RIC1: variants seen among roughly 807,000 people sequenced by gnomAD.
RIC1 encodes the protein RIC1 partner of RAB6A GEF complex.
Under a neutral mutation model 169.0 loss-of-function variants are expected in RIC1, and 88 were observed. The ratio of observed to expected loss-of-function variants is 0.52; its 90% CI spans 0.44 to 0.62. RIC1 has a LOEUF of 0.62. Among genes scored for constraint, RIC1 ranks in the 20% least tolerant of loss-of-function variants. The pLI, the probability that RIC1 is intolerant of heterozygous loss-of-function variation, is 0.00. For missense variants in RIC1, 1,877 were observed against 1,725.5 expected, an observed-to-expected ratio of 1.09 and a Z score of -1.56; for synonymous variants, 790 against 601.5, an observed-to-expected ratio of 1.31 and a Z score of -4.59.
chr9:5,683,799 T>G (rs1333665148), intron 2 of RIC1, among the ~76,000 whole-genome samples: 2 of 152,182 alleles, frequency 1.3e-5, no homozygotes, highest in Non-Finnish European at 2.9e-5. Flanking sequence ...TCCACCCAGT[T>G]CAACTTCCCG....
At chr9:5,681,672 T>A (rs960996496) in intron 2 of RIC1, among the ~76,000 whole-genome samples, 15 of 152,174 alleles carry the variant, frequency 9.9e-5, no homozygotes, top group African/African-American at 2.4e-4. Context: ...CTTGGTGCAG[T>A]GCTGAGTTCA....
intron 2 of RIC1, among the ~76,000 whole-genome samples, chr9:5,658,330 G>C (rs1033281158): frequency 6.6e-6 from 1 of 151,990 alleles, no homozygotes; most frequent in Non-Finnish European, 1.5e-5. Flanking sequence ...ATGTACTGAA[G>C]GTTAAGTTAG....
chr9:5,758,316 T>C lies in RIC1; in HGVS notation c.1992+865T>C, dbSNP rs531658455. Among the ~76,000 whole-genome samples the C allele has an allele frequency of 4.6e-5, 7 of 152,312 alleles. No homozygotes were observed. The South Asian group carries it at 6.2e-4, about 14-fold the overall frequency. On this transcript the variant is annotated intron_variant, in intron 17 of 25. Transcript: ENST00000414202. ...CTTCATGTCAACTGGGAACCTACTGTCAGAGGAAAATTCTATGTGGATTTA... is the reference window on the plus strand; with the variant it reads ...CTTCATGTCAACTGGGAACCTACTGCCAGAGGAAAATTCTATGTGGATTTA...
intron 2 of RIC1, among the ~76,000 whole-genome samples, chr9:5,677,803 C>G (rs1464438156): frequency 6.6e-6 from 1 of 151,792 alleles, no homozygotes. Context: ...TTTGAAAAAA[C>G]TTCCACTGAA....
At chr9:5,756,626 C>A (rs1366531331) in intron 16 of RIC1, among the ~76,000 whole-genome samples, 1 of 136,924 alleles carries the variant, frequency 7.3e-6, no homozygotes, top group Non-Finnish European at 1.6e-5. Flanking sequence ...TGAGGTAAAC[C>A]CTTAGATACT....
At chr9:5,732,503 AT>A in intron 7 of RIC1, 24 bp downstream of exon 7, 1 of 1,517,400 alleles carries the variant, frequency 6.6e-7, no homozygotes, top group Non-Finnish European at 8.9e-7. Context: ...AGGCTTTTGC[AT>A]TTTTAAGAGT....
intron 7 of RIC1, among the ~76,000 whole-genome samples, chr9:5,737,039 A>G (rs547398769): frequency 6.6e-6 from 1 of 152,072 alleles, no homozygotes; most frequent in Admixed American, 6.5e-5. Context: ...ATTATGTGCA[A>G]AAGCATTCTT....
At chr9:5,687,279 A>T (rs1821308737) in intron 2 of RIC1, among the ~76,000 whole-genome samples, 2 of 152,020 alleles carry the variant, frequency 1.3e-5, no homozygotes, top group South Asian at 4.1e-4. Context: ...TAACAAAAGA[A>T]CCCCAGATTT....
intron 2 of RIC1, among the ~76,000 whole-genome samples, chr9:5,666,526 C>T (rs531323881): frequency 2.6e-5 from 4 of 152,116 alleles, no homozygotes; most frequent in East Asian, 3.9e-4. Flanking sequence ...TTAGGTTTTT[C>T]ATATATGGTC....
Position 5,643,580 on chromosome 9 carries a change from C to A in RIC1, c.145-13003C>A, listed in dbSNP as rs373424769. Among the ~76,000 whole-genome samples, 339 of 148,832 alleles carry A rather than the reference C, an allele frequency of 2.3e-3. 1 individual carries two copies. The highest frequency in any genetic ancestry group is 8.5e-3 in the African/African-American group (327 of 38,318). ...CTCCTTTATTAAAAAGGGCAATTAGCCCTTTTTATGCAAGGTGCTTAAAAA... is the reference window on the plus strand; with the variant it reads ...CTCCTTTATTAAAAAGGGCAATTAGACCTTTTTATGCAAGGTGCTTAAAAA... On this transcript the variant is annotated intron_variant, in intron 1 of 25. Transcript: ENST00000414202.
In RIC1 at chr9:5,693,102, A is replaced by G. The variant is rs113678639; in HGVS notation, c.332+3064A>G. On this transcript the variant is annotated intron_variant, in intron 3 of 25. Coordinates refer to ENST00000414202, the MANE Select transcript of RIC1 (RefSeq NM_020829.4). ...GGGTTTATCTGGGAGTAGAGAATGG[A>G]AAAAGGAGAAATGATCTGGAGTGGT... Among the ~76,000 whole-genome samples, 42 of 152,232 alleles carry G rather than the reference A, an allele frequency of 2.8e-4. 1 individual carries two copies. Among genetic ancestry groups the G allele is most frequent in the African/African-American group, 9.9e-4 (41 of 41,554 alleles).
intron 4 of RIC1, among the ~76,000 whole-genome samples, chr9:5,714,346 C>T (rs1823109604): frequency 6.6e-6 from 1 of 152,128 alleles, no homozygotes; most frequent in Non-Finnish European, 1.5e-5. Context: ...GCCTTTGTTT[C>T]CAAAGTTGCC....
intron 2 of RIC1, among the ~76,000 whole-genome samples, chr9:5,662,332 A>C (rs2130498010): frequency 6.6e-6 from 1 of 152,226 alleles, no homozygotes; most frequent in African/African-American, 2.4e-5. Flanking sequence ...TATCAAGATG[A>C]TGCTGGCCTC....
At chr9:5,699,155 A>G (rs1372345930) in intron 3 of RIC1, among the ~76,000 whole-genome samples, 1 of 152,214 alleles carries the variant, frequency 6.6e-6, no homozygotes, top group African/African-American at 2.4e-5. Context: ...ATGTCATAAC[A>G]TCGATGAGGG....
chr9:5,676,868 G>A (rs545842765), intron 2 of RIC1, among the ~76,000 whole-genome samples: 1 of 152,330 alleles, frequency 6.6e-6, no homozygotes, highest in African/African-American at 2.4e-5. Context: ...TCGTGAATCA[G>A]TAATTCATTA....
At position 5,722,348 on chromosome 9, in the gene RIC1, A is replaced by AGTGTGTGT. The variant is rs1554673860; in HGVS notation, c.720+1625_720+1632dup. 2.2e-3 allele frequency among the ~76,000 whole-genome samples: 293 copies of AGTGTGTGT among 131,320 alleles called. 2 individuals carry two copies. Among genetic ancestry groups the AGTGTGTGT allele is most frequent in the African/African-American group, 6.9e-3 (240 of 34,842 alleles). 86.2% of individuals were successfully genotyped at this position (131,320 alleles called of 152,430 possible). ...CTTGCAAAAACTATAAGAGAGAGAG[A>AGTGTGTGT]GTGTGTGTGTGTGTGTGTGTGTGTG... On this transcript the variant is annotated intron_variant, in intron 6 of 25. Transcript: ENST00000414202.
chr9:5,739,570 G>A (rs1824937323), intron 8 of RIC1, among the ~76,000 whole-genome samples: 1 of 152,156 alleles, frequency 6.6e-6, no homozygotes, highest in Non-Finnish European at 1.5e-5. Context: ...AGGTCTAGAA[G>A]CAAACAGAGG....
At chr9:5,670,924 C>G (rs182702348) in intron 2 of RIC1, among the ~76,000 whole-genome samples, 16 of 152,200 alleles carry the variant, frequency 1.1e-4, no homozygotes, top group Admixed American at 4.6e-4. Context: ...GTCTTCATGT[C>G]GAGTCCACTT....
At chr9:5,687,260 C>G (rs769807277) in intron 2 of RIC1, among the ~76,000 whole-genome samples, 1 of 151,994 alleles carries the variant, frequency 6.6e-6, no homozygotes, top group Admixed American at 6.6e-5. Context: ...TAGTGATCTT[C>G]TAAAACAATA....
Sources: allele counts gnomAD v4.1 joint callset (sites outside exome capture counted in the v4.1 genomes callset), GRCh38; gene constraint gnomAD v4.1.1; transcripts MANE v1.5; gene names NCBI Gene and HGNC (gene_info 2026-07-23, HGNC 2026-07-21).